Variants in PPIE observed in about 807,000 individuals in gnomAD.
PPIE encodes the protein peptidylprolyl isomerase E, also known as peptidyl-prolyl cis-trans isomerase E.
A neutral mutation model predicts 38.4 loss-of-function variants in PPIE; 20 were observed. The ratio of observed to expected loss-of-function variants is 0.52; its 90% confidence interval spans 0.37 to 0.76. The LOEUF (loss-of-function observed/expected upper bound fraction) is 0.76. Ranked by LOEUF, PPIE falls within the 30% of genes least tolerant of loss-of-function variation. The pLI is 0.00. For synonymous variants in PPIE, 142 were observed against 135.7 expected (o/e 1.05, Z -0.32); for missense variants, 322 against 385.8 (o/e 0.83, Z 1.39).
Position 39,755,044 on chromosome 1 carries a change from T to C in PPIE, c.*1689T>C, listed in dbSNP as rs1648120885. The C allele has an allele frequency of 1.0e-6, 1 of 985,356 alleles. No individual in the cohort carries two copies. The highest frequency in any genetic ancestry group is 4.7e-5 in the South Asian group (1 of 21,292). The allele number at this position is 985,356 out of a possible 1,614,324, so 61.0% of individuals were successfully genotyped here. ...GAAGAGAACAAATGGTCCCACCCCC[T>C]GCTGAGCTCACAGTCTGGCTCTCCT... On this transcript the variant is annotated 3_prime_UTR_variant, in exon 10 of 10. Coordinates refer to ENST00000324379, the MANE Select transcript of PPIE (RefSeq NM_006112.4).
Position 39,756,566 on chromosome 1 carries a change from G to A in PPIE, c.*3211G>A. The A allele has an allele frequency of 7.1e-6, 7 of 985,416 alleles. No individual in the cohort carries two copies. Among genetic ancestry groups the A allele is most frequent in the Non-Finnish European group, 8.4e-6 (7 of 829,928 alleles). The allele number at this position is 985,416 out of a possible 1,614,324, so 61.0% of individuals were successfully genotyped here. ...AGCCTCACGGCAACCTCTGAAGAAG[G>A]AATTATAGAACCAACTTTTTATTGT... On this transcript the variant is annotated 3_prime_UTR_variant, in exon 10 of 10. Coordinates refer to ENST00000324379, the MANE Select transcript of PPIE (RefSeq NM_006112.4).
chr1:39,753,366 T>G lies in PPIE; in HGVS notation c.*11T>G, dbSNP rs757319543. 1.2e-6 allele frequency: 2 copies of G among 1,613,334 alleles called. No homozygotes were observed. Among genetic ancestry groups the G allele is most frequent in the South Asian group, 2.2e-5 (2 of 90,968 alleles). On this transcript the variant is annotated 3_prime_UTR_variant, in exon 10 of 10. Coordinates refer to ENST00000324379, the MANE Select transcript of PPIE (RefSeq NM_006112.4). ...GGGGAGTACGTGTGAGGCGGCACTCTCTCTGCTTCCCCCTCCGCTCTTGAC... is the reference window on the plus strand; with the variant it reads ...GGGGAGTACGTGTGAGGCGGCACTCGCTCTGCTTCCCCCTCCGCTCTTGAC...
At chr1:39,751,812 C>T (rs530137707) in intron 8 of PPIE, among the ~76,000 whole-genome samples, 78 of 152,180 alleles carry the variant, frequency 5.1e-4, no homozygotes, top group Non-Finnish European at 1.0e-3. Flanking sequence ...AGGCCAGGCA[C>T]GGCGGCTCAT....
exon 10 of PPIE, chr1:39,763,789 C>T: frequency 6.2e-7 from 1 of 1,600,146 alleles, no homozygotes; most frequent in Non-Finnish European, 8.5e-7. Flanking sequence ...CCGTGGACGT[C>T]ATCTGCAGGG....
downstream of PPIE, among the ~76,000 whole-genome samples, chr1:39,761,591 C>T (rs1189760431): frequency 1.3e-5 from 2 of 152,174 alleles, no homozygotes; most frequent in Non-Finnish European, 1.5e-5. Flanking sequence ...CGGCCCTGCC[C>T]ACCCTGGTGT....
intron 6 of PPIE, 124 bp from the exon 7 acceptor site, chr1:39,745,251 C>A (rs1647164821): frequency 1.5e-6 from 2 of 1,334,862 alleles, no homozygotes; most frequent in Admixed American, 4.0e-5. Flanking sequence ...CCAAGGCCTT[C>A]CCCGTCAGCA....
intron 9 of PPIE, among the ~76,000 whole-genome samples, chr1:39,761,872 C>G (rs1649033916): frequency 6.6e-6 from 1 of 152,252 alleles, no homozygotes; most frequent in Non-Finnish European, 1.5e-5. Context: ...GACAGCCTCC[C>G]CTAGAGCGCA....
downstream of PPIE, chr1:39,761,449 C>G (rs1369654420): frequency 2.0e-5 from 3 of 152,978 alleles, no homozygotes; most frequent in East Asian, 5.8e-4. Context: ...CCCAGCCTCC[C>G]CCAGCAGCCA....
At chr1:39,747,097 A>G (rs897693577) in intron 7 of PPIE, 1 of 152,236 alleles carries the variant, frequency 6.6e-6, no homozygotes, top group Non-Finnish European at 1.5e-5. Flanking sequence ...GCATAGCATA[A>G]TGCTTTCAAG....
chr1:39,740,196 T>G lies in PPIE; in HGVS notation c.63T>G (p.Val21=). The G allele has an allele frequency of 6.2e-7, 1 of 1,614,210 alleles. No individual in the cohort carries two copies. Among genetic ancestry groups the G allele is most frequent in the African/African-American group, 1.3e-5 (1 of 75,062 alleles). Residue 21 remains valine, a synonymous_variant, in exon 2 of 10, where the codon GTT becomes GTG. Coordinates refer to ENST00000324379, the MANE Select transcript of PPIE (RefSeq NM_006112.4). ...GGLAEEVDDK[V]LHAAFIPFGD... is the part of the protein sequence containing the mutation. ...TGGCAGAGGAAGTGGACGACAAAGT[T>G]CTTCATGCTGCGTTCATTCCTTTTG...
downstream of PPIE, among the ~76,000 whole-genome samples, chr1:39,761,659 T>G (rs577747193): frequency 5.9e-5 from 9 of 152,156 alleles, no homozygotes; most frequent in African/African-American, 2.2e-4. Flanking sequence ...CTGCTGGCCC[T>G]GAACCTGCCA....
Position 39,753,689 on chromosome 1 carries a change from C to T in PPIE, c.*334C>T. On this transcript the variant is annotated 3_prime_UTR_variant, in exon 10 of 10. Coordinates refer to ENST00000324379, the MANE Select transcript of PPIE (RefSeq NM_006112.4). Reference sequence around the variant, plus strand: ...ACGTGTTTTCTTTGCTAAAATAAACCCTAGTTCTTATATTGCTCTTCCTGC... The same window carrying T: ...ACGTGTTTTCTTTGCTAAAATAAACTCTAGTTCTTATATTGCTCTTCCTGC... 9.0e-7 allele frequency: 1 copy of T among 1,108,126 alleles called. No homozygotes were observed. The highest frequency in any genetic ancestry group is 1.1e-6 in the Non-Finnish European group (1 of 907,894). The allele number at this position is 1,108,126 out of a possible 1,614,324, so 68.6% of individuals were successfully genotyped here. A position where few individuals can be genotyped will look rare whatever the true frequency, so the allele number is the denominator to read the frequency against.
chr1:39,749,985 T>C lies in PPIE; in HGVS notation c.694+897T>C, dbSNP rs191686831. The stretch of plus-strand genomic sequence containing the variant: ...CCCATCTCTACTAAAAATATAAAAT[T>C]AGCCGGGCGTGGTGGCGCGTGCCTG... On this transcript the variant is annotated intron_variant, in intron 8 of 9. Coordinates refer to ENST00000324379, the MANE Select transcript of PPIE (RefSeq NM_006112.4). Among the ~76,000 whole-genome samples, 360 of 152,122 alleles carry C rather than the reference T, an allele frequency of 2.4e-3. 1 individual carries two copies. Among genetic ancestry groups the C allele is most frequent in the African/African-American group, 8.2e-3 (339 of 41,496 alleles).
chr1:39,746,732 G>C (rs954812653), intron 7 of PPIE: 1 of 152,184 alleles, frequency 6.6e-6, no homozygotes, highest in African/African-American at 2.4e-5. Flanking sequence ...GCTTTTACCA[G>C]CTTAAGATTC....
At chr1:39,762,631 C>T (rs1649149532) in intron 9 of PPIE, 3 of 1,547,092 alleles carry the variant, frequency 1.9e-6, no homozygotes, top group Non-Finnish European at 2.6e-6. Context: ...CTAGAAGCTT[C>T]CTGCCTGCGG....
At chr1:39,752,326 T>C (rs1647816777) in intron 8 of PPIE, among the ~76,000 whole-genome samples, 1 of 152,196 alleles carries the variant, frequency 6.6e-6, no homozygotes, top group Non-Finnish European at 1.5e-5. Context: ...TCTCACACTT[T>C]ACATGTCTAA....
chr1:39,746,118 A>G (rs987412684), intron 7 of PPIE: 6 of 152,184 alleles, frequency 3.9e-5, no homozygotes, highest in Non-Finnish European at 7.3e-5. Flanking sequence ...TTCCATTTTA[A>G]ACATTATCTT....
rs368365826 is a variant in PPIE at position 39,740,662 on chromosome 1, C to T, written c.130+399C>T. Among the ~76,000 whole-genome samples, 39 of 151,220 alleles carry T rather than the reference C, an allele frequency of 2.6e-4. No individual in the cohort carries two copies. In the East Asian group the frequency reaches 3.0e-3, roughly 12 times the overall value. On this transcript the variant is annotated intron_variant, in intron 2 of 9. Transcript: ENST00000324379. ...GCCCCATAATGGGGGTGGGTGAGGG[C>T]GGGGGTTCTTGGCCTCTGCACCCCT...
At position 39,750,331 on chromosome 1, in the gene PPIE, C is replaced by G. The variant is rs115519896; in HGVS notation, c.694+1243C>G. ...CATCTCGCCATTGAAACCACTCTTG[C>G]CAAAAATACGAGTAGCCAGTTCTTG... On this transcript the variant is annotated intron_variant, in intron 8 of 9. Transcript: ENST00000324379. Among the ~76,000 whole-genome samples, 801 of 152,270 alleles carry G rather than the reference C, an allele frequency of 5.3e-3. 4 individuals carry two copies. The highest frequency in any genetic ancestry group is 0.019 in the African/African-American group (773 of 41,550).
Sources: allele counts gnomAD v4.1 joint callset (sites outside exome capture counted in the v4.1 genomes callset), GRCh38; gene constraint gnomAD v4.1.1; transcripts MANE v1.5; gene names NCBI Gene and HGNC (gene_info 2026-07-23, HGNC 2026-07-21).